The following CSTF3 variants were observed in gnomAD, a reference collection of about 807,000 sequenced individuals.
The protein encoded by CSTF3 is cleavage stimulation factor subunit 3.
CSTF3 carries 29 observed loss-of-function variants against 105.8 expected under a neutral mutation model. The observed-to-expected ratio is 0.27, with a 90% confidence interval of 0.20 to 0.37. The LOEUF (loss-of-function observed/expected upper bound fraction) is 0.37, where lower values mean the gene tolerates loss of function less well. Ranked by LOEUF, CSTF3 falls within the 10% of genes least tolerant of loss-of-function variation. CSTF3 has a pLI of 1.00. For synonymous variants in CSTF3, 252 were observed against 281.9 expected, an observed-to-expected ratio of 0.89 and a Z score of 1.06; for missense variants, 357 against 879.3, an observed-to-expected ratio of 0.41 and a Z score of 7.51.
At chr11:33,087,429 A>G (rs768542325) in intron 17 of CSTF3, among the ~76,000 whole-genome samples, 1 of 152,208 alleles carries the variant, frequency 6.6e-6, no homozygotes, top group African/African-American at 2.4e-5. Context: ...TTTTTTGGGT[A>G]GTCAGACTGG....
chr11:33,111,088 G>A (rs1418121120), intron 3 of CSTF3, among the ~76,000 whole-genome samples: 1 of 152,084 alleles, frequency 6.6e-6, no homozygotes, highest in Non-Finnish European at 1.5e-5. Flanking sequence ...AAATTAGCTG[G>A]ACATAGTGGC....
chr11:33,141,856 G>A (rs763416762), intron 2 of CSTF3, 29 bp downstream of exon 2: 1 of 1,575,080 alleles, frequency 6.3e-7, no homozygotes, highest in Admixed American at 2.0e-5. Context: ...GACCCATAGA[G>A]AAGGAAATGT....
intron 17 of CSTF3, among the ~76,000 whole-genome samples, chr11:33,089,544 C>A (rs761657497): frequency 6.6e-6 from 1 of 152,182 alleles, no homozygotes; most frequent in East Asian, 1.9e-4. Context: ...TTTGACTTTT[C>A]ATTGAGAAGT....
chr11:33,089,223 C>T (rs1443159496), intron 17 of CSTF3, among the ~76,000 whole-genome samples: 1 of 151,698 alleles, frequency 6.6e-6, no homozygotes, highest in Non-Finnish European at 1.5e-5. Context: ...TGGCATTTGC[C>T]TGTAATCCCA....
At chr11:33,118,364 T>G (rs1223600039) in intron 3 of CSTF3, among the ~76,000 whole-genome samples, 1 of 151,912 alleles carries the variant, frequency 6.6e-6, no homozygotes, top group Non-Finnish European at 1.5e-5. Context: ...TCAACAACCA[T>G]CACTTAACAT....
At chr11:33,150,957 C>A (rs1261212316) in intron 1 of CSTF3, among the ~76,000 whole-genome samples, 1 of 151,962 alleles carries the variant, frequency 6.6e-6, no homozygotes, top group Non-Finnish European at 1.5e-5. Context: ...CACATACATA[C>A]AATTCACCCA....
rs1408050209 is a variant in CSTF3 at position 33,154,487 on chromosome 11, C to CTTT, written c.27+6809_27+6811dup. ...TAGACCGGAGTAGCACTCCGTAAGA[C>CTTT]TTTCTTTTTTTTTTTTTTTTTTTTT... is the stretch of plus-strand genomic sequence containing the variant. On this transcript the variant is annotated intron_variant, in intron 1 of 20. Transcript: ENST00000323959. 3.9e-4 allele frequency among the ~76,000 whole-genome samples: 12 copies of CTTT among 30,634 alleles called. 4 individuals are homozygous for CTTT. Among genetic ancestry groups the CTTT allele is most frequent in the Non-Finnish European group, 7.7e-4 (8 of 10,444 alleles). 20.1% of individuals were successfully genotyped at this position (30,634 alleles called of 152,430 possible).
chr11:33,115,839 C>A lies in CSTF3; in HGVS notation c.226-7421G>T, dbSNP rs147479205. ...GCCTATATCTCAGCATTTTGGGAGG[C>A]CGAAGGGAGAGGGTCACTCACTTGA... On this transcript the variant is annotated intron_variant, in intron 3 of 20. Transcript: ENST00000323959. Among the ~76,000 whole-genome samples the A allele has an allele frequency of 6.8e-3, 1,036 of 152,112 alleles. 11 individuals carry two copies. Among genetic ancestry groups the A allele is most frequent in the African/African-American group, 0.023 (975 of 41,506 alleles).
intron 13 of CSTF3, among the ~76,000 whole-genome samples, chr11:33,097,376 GT>G (rs559195635): frequency 2.0e-4 from 29 of 148,564 alleles, no homozygotes; most frequent in African/African-American, 4.7e-4. Flanking sequence ...TACAATACAT[GT>G]TTTTTTTTTT....
In CSTF3 at chr11:33,094,465, T is replaced by A. The variant is rs188504410; in HGVS notation, c.1375+1841A>T. Among the ~76,000 whole-genome samples, 523 of 152,318 alleles carry A rather than the reference T, an allele frequency of 3.4e-3. 6 individuals are homozygous for A. The highest frequency in any genetic ancestry group is 8.0e-3 in the Admixed American group (123 of 15,304). On this transcript the variant is annotated intron_variant, in intron 15 of 20. Transcript: ENST00000323959. ...AACCAGAAGGTAATGAATAAATGTT[T>A]CATGGATGGATAGATGGATAGATGA...
At chr11:33,142,608 C>A (rs1374420082) in intron 1 of CSTF3, among the ~76,000 whole-genome samples, 1 of 151,902 alleles carries the variant, frequency 6.6e-6, no homozygotes, top group Non-Finnish European at 1.5e-5. Flanking sequence ...GTCTCAGGAC[C>A]CCTCTACGCT....
chr11:33,099,159 A>G lies in CSTF3; in HGVS notation c.937-9T>C. 1 of 1,572,040 alleles carries G rather than the reference A, an allele frequency of 6.4e-7. No homozygotes were observed. Among genetic ancestry groups the G allele is most frequent in the Non-Finnish European group, 8.5e-7 (1 of 1,170,498 alleles). On this transcript the variant is annotated splice_polypyrimidine_tract_variant and intron_variant, in intron 11 of 20. Transcript: ENST00000323959. This position sits in a 1 kb window ranked among gnomAD's most constrained non-coding sequence, Gnocchi z 4.1. ...TTGGCATTATTCATATCCTGGTAGA[A>G]AAAAAAGAAAGCTCATCTTCAATAA...
intron 1 of CSTF3, among the ~76,000 whole-genome samples, chr11:33,146,124 G>A (rs1268985387): frequency 2.0e-5 from 3 of 152,008 alleles, no homozygotes; most frequent in African/African-American, 7.3e-5. Flanking sequence ...TGTAGTCCCA[G>A]CTACTCGGGA....
chr11:33,150,793 T>C (rs1445283421), intron 1 of CSTF3, among the ~76,000 whole-genome samples: 3 of 151,878 alleles, frequency 2.0e-5, no homozygotes, highest in Non-Finnish European at 2.9e-5. Flanking sequence ...GAGGTGTTGG[T>C]TGCAGTGAAC....
chr11:33,092,832 C>T (rs1279814737), intron 15 of CSTF3, among the ~76,000 whole-genome samples: 1 of 152,116 alleles, frequency 6.6e-6, no homozygotes, highest in African/African-American at 2.4e-5. Context: ...TGCAGAGGTA[C>T]AATATCTAGG....
intron 1 of CSTF3, among the ~76,000 whole-genome samples, chr11:33,158,987 T>TAA (rs138008678): frequency 3.3e-5 from 5 of 150,420 alleles, no homozygotes; most frequent in South Asian, 2.1e-4. Flanking sequence ...TGATTCTGGT[T>TAA]AAAAAAAAAA....
At chr11:33,087,184 C>T in intron 17 of CSTF3, 43 bp from the exon 18 acceptor site, 2 of 1,600,932 alleles carry the variant, frequency 1.2e-6, no homozygotes, top group South Asian at 1.1e-5. Flanking sequence ...GAAAAAGGGA[C>T]TACTAGAGAA....
chr11:33,118,747 TAA>T (rs11338805), intron 3 of CSTF3, among the ~76,000 whole-genome samples: 12 of 144,538 alleles, frequency 8.3e-5, no homozygotes, highest in Non-Finnish European at 3.0e-5. Context: ...ACCTCTGATC[TAA>T]AAAAAAAAAA....
At chr11:33,135,718 A>G (rs1314507321) in intron 3 of CSTF3, among the ~76,000 whole-genome samples, 1 of 152,180 alleles carries the variant, frequency 6.6e-6, no homozygotes, top group Admixed American at 6.5e-5. Context: ...GGTGAATGAA[A>G]AAATTTCCAG....
Sources: gnomAD v4.1 joint callset for allele counts (sites outside exome capture counted in the v4.1 genomes callset) on GRCh38, gnomAD v4.1.1 for gene constraint, Gnocchi (gnomAD v3.1) non-coding constraint, MANE v1.5 for transcripts, NCBI Gene and HGNC (gene_info 2026-07-23, HGNC 2026-07-21) for gene names.